KCTD18: variants seen among roughly 807,000 people sequenced by gnomAD.
KCTD18 encodes the protein BTB/POZ domain-containing protein KCTD18.
A neutral mutation model predicts 30.4 loss-of-function variants in KCTD18; 22 were observed. That is an observed-to-expected ratio of 0.72 (90% CI 0.52 to 1.03). KCTD18 has a LOEUF of 1.03. KCTD18 is among the 50% of genes least tolerant of loss of function. The pLI, the probability that KCTD18 is intolerant of heterozygous loss-of-function variation, is 0.00. For synonymous variants in KCTD18, 186 were observed against 209.0 expected, an observed-to-expected ratio of 0.89 and a Z score of 0.95; for missense variants, 529 against 547.6, an observed-to-expected ratio of 0.97 and a Z score of 0.34.
chr2:200,508,262 G>T (rs1291179518), intron 1 of KCTD18, among the ~76,000 whole-genome samples: 1 of 152,130 alleles, frequency 6.6e-6, no homozygotes, highest in African/African-American at 2.4e-5. Flanking sequence ...GCTAATTCTT[G>T]TAATTTTAGT....
chr2:200,495,008 T>A (rs968816078), intron 5 of KCTD18, among the ~76,000 whole-genome samples: 2 of 151,790 alleles, frequency 1.3e-5, no homozygotes, highest in African/African-American at 4.8e-5. Context: ...TGAGTAGTAT[T>A]CCACTGTATG....
chr2:200,507,085 T>G lies in KCTD18; in HGVS notation c.-69A>C, dbSNP rs1169725346. 3 of 1,312,004 alleles carry G rather than the reference T, an allele frequency of 2.3e-6. No individual in the cohort carries two copies. The highest frequency in any genetic ancestry group is 3.2e-6 in the Non-Finnish European group (3 of 945,772). The allele number at this position is 1,312,004 out of a possible 1,614,324, so 81.3% of individuals were successfully genotyped here. A position where few individuals can be genotyped will look rare whatever the true frequency, so the allele number is the denominator to read the frequency against. On this transcript the variant is annotated 5_prime_UTR_variant, in exon 2 of 7. Transcript: ENST00000359878. Reference sequence around the variant, plus strand: ...AAACTTCAAAACAATGATGTCTTGGTCTCCCTCTGTAAAACAAAGGACAGT... The same window carrying G: ...AAACTTCAAAACAATGATGTCTTGGGCTCCCTCTGTAAAACAAAGGACAGT...
chr2:200,493,426 G>T, intron 5 of KCTD18, 152 bp from the exon 6 acceptor site: 1 of 605,750 alleles, frequency 1.7e-6, no homozygotes, highest in Non-Finnish European at 3.0e-6. Context: ...GCGCTCACAC[G>T]AGGAGCTAGG....
rs745919041 is a variant in KCTD18 at position 200,493,168 on chromosome 2, T to C, written c.764+4A>G. 5.9e-5 allele frequency: 93 copies of C among 1,570,696 alleles called. 1 individual carries two copies. The Middle Eastern group carries it at 8.3e-4, about 14-fold the overall frequency. ...AAACAAATAAACAACACAGCATAGA[T>C]AACCTCTTTCGAATTGGAGCCATGT... On this transcript the variant is annotated splice_donor_region_variant and intron_variant, in intron 6 of 6. Transcript: ENST00000359878.
At chr2:200,503,323 T>C (rs996256631) in intron 3 of KCTD18, among the ~76,000 whole-genome samples, 2 of 152,182 alleles carry the variant, frequency 1.3e-5, no homozygotes, top group Admixed American at 1.3e-4. Flanking sequence ...AACTCCTATA[T>C]TGGTTTGGAA....
intron 1 of KCTD18, among the ~76,000 whole-genome samples, chr2:200,507,872 CTG>C (rs1336586535): frequency 6.6e-6 from 1 of 152,114 alleles, no homozygotes; most frequent in African/African-American, 2.4e-5. Context: ...CAGGGTCTCG[CTG>C]TGTTGCCCAG....
chr2:200,499,186 C>T (rs1487664680), intron 3 of KCTD18, 102 bp from the exon 4 acceptor site: 2 of 764,546 alleles, frequency 2.6e-6, no homozygotes, highest in African/African-American at 3.5e-5. Flanking sequence ...TCTAGTTGAT[C>T]ATAAGGGAAA....
chr2:200,501,720 T>A (rs1372826984), intron 3 of KCTD18, among the ~76,000 whole-genome samples: 1 of 149,878 alleles, frequency 6.7e-6, no homozygotes, highest in African/African-American at 2.5e-5. Context: ...ATTGTGGAAG[T>A]CAGTGTGGCG....
intron 5 of KCTD18, chr2:200,495,727 G>A (rs1347093822): frequency 2.0e-5 from 3 of 151,280 alleles, no homozygotes; most frequent in African/African-American, 4.9e-5. Flanking sequence ...TTTTTTTGTA[G>A]TAGTGGTTGC....
Position 200,506,954 on chromosome 2 carries a change from A to G in KCTD18, c.63T>C (p.Cys21=). The change falls in exon 2 of 7, where the codon TGT becomes TGC. Residue 21 remains cysteine, a synonymous_variant. Transcript: ENST00000359878. The part of the protein sequence containing the change: ...LDVLRLNVGG[C]IYTARRESLC... Reference sequence around the variant, plus strand: ...AGGACTCCCGCCGGGCTGTGTAAATACAGCCACCCACGTTCAGTCGGAGAA... The same window carrying G: ...AGGACTCCCGCCGGGCTGTGTAAATGCAGCCACCCACGTTCAGTCGGAGAA... 6.2e-7 allele frequency: 1 copy of G among 1,614,086 alleles called. No individual in the cohort carries two copies. The highest frequency in any genetic ancestry group is 8.5e-7 in the Non-Finnish European group (1 of 1,179,954).
At chr2:200,492,067 A>G (rs2106275936) in intron 6 of KCTD18, among the ~76,000 whole-genome samples, 1 of 152,344 alleles carries the variant, frequency 6.6e-6, no homozygotes, top group South Asian at 2.1e-4. Context: ...AAACTTGTAG[A>G]GGAAAGATAA....
intron 3 of KCTD18, among the ~76,000 whole-genome samples, chr2:200,502,955 GGGA>G (rs1243105051): frequency 6.6e-6 from 1 of 151,866 alleles, no homozygotes; most frequent in Admixed American, 6.6e-5. Flanking sequence ...ACTTGAACCC[GGGA>G]GGTAGAGGTT....
chr2:200,496,145 T>A (rs547643740), intron 5 of KCTD18: 1 of 152,476 alleles, frequency 6.6e-6, no homozygotes, highest in Admixed American at 6.5e-5. Flanking sequence ...CTCAATCTCA[T>A]GACCTCATGA....
chr2:200,506,088 C>T (rs528228715), intron 2 of KCTD18, among the ~76,000 whole-genome samples: 2 of 152,234 alleles, frequency 1.3e-5, no homozygotes, highest in South Asian at 2.1e-4. Context: ...GCAAAGCAAC[C>T]TCCTAACACC....
intron 4 of KCTD18, among the ~76,000 whole-genome samples, chr2:200,498,336 G>T (rs1156962242): frequency 6.6e-6 from 1 of 152,262 alleles, no homozygotes; most frequent in East Asian, 1.9e-4. Flanking sequence ...ATCTGCCAGA[G>T]AATTTTTTTA....
intron 2 of KCTD18, among the ~76,000 whole-genome samples, chr2:200,506,042 A>AT (rs1325981741): frequency 9.2e-5 from 14 of 151,870 alleles, no homozygotes; most frequent in African/African-American, 2.2e-4. Context: ...GCCACTGGTG[A>AT]TTTTTTTTCC....
chr2:200,506,927 C>G lies in KCTD18; in HGVS notation c.90G>C (p.Leu30Phe). ...GCIYTARRES[L>F]CRFKDSMLAS... is the part of the protein sequence containing the mutation. ...CCAACATGGAGTCCTTGAAGCGGCA[C>G]AAGGACTCCCGCCGGGCTGTGTAAA... Residue 30 changes from leucine (L) to phenylalanine (F), a missense_variant, in exon 2 of 7, where the codon TTG becomes TTC. Leu to Phe is a conservative substitution (Grantham distance 22). Transcript: ENST00000359878. 6.2e-7 allele frequency: 1 copy of G among 1,613,878 alleles called. No homozygotes were observed. Among genetic ancestry groups the G allele is most frequent in the Non-Finnish European group, 8.5e-7 (1 of 1,179,958 alleles).
chr2:200,499,045 T>G lies in KCTD18; in HGVS notation c.412A>C (p.Asn138His), dbSNP rs2088042649. 6.2e-7 allele frequency: 1 copy of G among 1,614,034 alleles called. No homozygotes were observed. Among genetic ancestry groups the G allele is most frequent in the Non-Finnish European group, 8.5e-7 (1 of 1,179,936 alleles). ...TGGAGAACCCAAACTGTTGGTTTATTGCAGACTAAGCCATATGAATCACAG... is the reference window on the plus strand; with the variant it reads ...TGGAGAACCCAAACTGTTGGTTTATGGCAGACTAAGCCATATGAATCACAG... ...DFCDSYGLVCNKPTVWVLHYL... is the reference protein window; with the variant it reads ...DFCDSYGLVCHKPTVWVLHYL... The change falls in exon 4 of 7, where the codon AAT (asparagine) becomes CAT (histidine). Residue 138 changes from asparagine (N) to histidine (H), a missense_variant. Transcript: ENST00000359878.
At chr2:200,502,920 C>T (rs1040454792) in intron 3 of KCTD18, among the ~76,000 whole-genome samples, 6 of 151,966 alleles carry the variant, frequency 3.9e-5, no homozygotes, top group African/African-American at 1.5e-4. Flanking sequence ...ATCCCAGCTA[C>T]TCAGGAGGCT....
Sources: gnomAD v4.1 joint callset for allele counts (sites outside exome capture counted in the v4.1 genomes callset) on GRCh38, gnomAD v4.1.1 for gene constraint, MANE v1.5 for transcripts, NCBI Gene and HGNC (gene_info 2026-07-23, HGNC 2026-07-21) for gene names.